Variants in VWA3A observed in about 807,000 individuals in gnomAD.
VWA3A encodes von Willebrand factor A domain containing 3A, also known as von Willebrand factor A domain-containing protein 3A.
VWA3A carries 134 observed loss-of-function variants against 160.4 expected under a neutral mutation model. The ratio of observed to expected loss-of-function variants is 0.84; its 90% CI spans 0.73 to 0.96. VWA3A has a LOEUF of 0.96. Among genes scored for constraint, VWA3A ranks in the 40% least tolerant of loss-of-function variants. The probability of loss-of-function intolerance (pLI) is 0.00; values close to 1 mark genes in which losing one functional copy is unlikely to be tolerated. For missense variants in VWA3A, 1,310 were observed against 1,447.9 expected (o/e 0.90, Z 1.55); for synonymous variants, 476 against 543.4 (o/e 0.88, Z 1.72).
At chr16:22,095,702 C>T (rs2045308809) in intron 1 of VWA3A, among the ~76,000 whole-genome samples, 1 of 151,904 alleles carries the variant, frequency 6.6e-6, no homozygotes, top group Non-Finnish European at 1.5e-5. Context: ...GGACTACAGG[C>T]ACATACCACC....
rs367640255 is a variant in VWA3A at position 22,140,286 on chromosome 16, G to A, written c.2383+42G>A. 145 of 1,587,068 alleles carry A rather than the reference G, an allele frequency of 9.1e-5. No homozygotes were observed. The East Asian group carries it at 1.7e-3, about 19-fold the overall frequency. ...GTCAGGCAGGGTGGAGGGATGTCACGGTCACGGCTGAGGCATGGGTTAATA... is the reference window on the plus strand; with the variant it reads ...GTCAGGCAGGGTGGAGGGATGTCACAGTCACGGCTGAGGCATGGGTTAATA... On this transcript the variant is annotated intron_variant, in intron 23 of 33. Coordinates refer to ENST00000389398, the MANE Select transcript of VWA3A (RefSeq NM_173615.5).
chr16:22,106,490 A>G (rs180794732), intron 6 of VWA3A, among the ~76,000 whole-genome samples: 21 of 152,240 alleles, frequency 1.4e-4, no homozygotes, highest in South Asian at 1.0e-3. Flanking sequence ...AGCCCTACCA[A>G]TATCTTGGGG....
chr16:22,096,887 G>A lies in VWA3A; in HGVS notation c.43G>A (p.Ala15Thr). The A allele has an allele frequency of 6.5e-7, 1 of 1,549,988 alleles. No homozygotes were observed. The highest frequency in any genetic ancestry group is 2.4e-5 in the East Asian group (1 of 40,894). The change falls in exon 2 of 34, where the codon GCT becomes ACT. Residue 15 changes from alanine to threonine, a missense_variant. Coordinates refer to ENST00000389398, the MANE Select transcript of VWA3A (RefSeq NM_173615.5). ...RKISIGCFAM[A>T]TQTSHVFHGQ... Reference sequence around the variant, plus strand: ...AATAAGCATTGGGTGTTTTGCAATGGCTACACAAACTAGTCATGTCTTCCA... The same window carrying A: ...AATAAGCATTGGGTGTTTTGCAATGACTACACAAACTAGTCATGTCTTCCA...
chr16:22,115,908 A>AGGAAGGAAGGAAGGAAGGAAGGAG, intron 9 of VWA3A, among the ~76,000 whole-genome samples: 1 of 33,926 alleles, frequency 2.9e-5, no homozygotes, highest in Admixed American at 3.2e-4. Context: ...GAAGGAAGGA[A>AGGAAGGAAGGAAGGAAGGAAGGAG]GGAAGGAAGG....
intron 23 of VWA3A, 87 bp downstream of exon 23, chr16:22,140,331 C>G: frequency 7.8e-7 from 1 of 1,282,090 alleles, no homozygotes; most frequent in Non-Finnish European, 1.1e-6. Flanking sequence ...ACTAGAGCCA[C>G]GTGTGGAAGC....
chr16:22,111,689 G>A (rs952968471), intron 8 of VWA3A, among the ~76,000 whole-genome samples: 1 of 151,410 alleles, frequency 6.6e-6, no homozygotes, highest in Non-Finnish European at 1.5e-5. Flanking sequence ...CACCATGTTG[G>A]CCAAGCTGGT....
chr16:22,144,180 C>T, intron 25 of VWA3A, 67 bp from the exon 26 acceptor site: 2 of 1,512,098 alleles, frequency 1.3e-6, no homozygotes, highest in Non-Finnish European at 8.9e-7. Flanking sequence ...TTCTCATAGA[C>T]CAGTCAGATG....
chr16:22,135,423 G>A (rs1184706649), intron 21 of VWA3A, among the ~76,000 whole-genome samples: 4 of 152,110 alleles, frequency 2.6e-5, no homozygotes, highest in Admixed American at 6.6e-5. Flanking sequence ...ATGCCTCACC[G>A]TAATTTGTAT....
At position 22,138,435 on chromosome 16, in the gene VWA3A, C is replaced by T. The variant is rs777355066; in HGVS notation, c.2215C>T (p.Pro739Ser). 1.2e-6 allele frequency: 2 copies of T among 1,613,462 alleles called. No individual in the cohort carries two copies. Among genetic ancestry groups the T allele is most frequent in the African/African-American group, 2.7e-5 (2 of 74,968 alleles). Residue 739 changes from proline to serine, a missense_variant, in exon 22 of 34, where the codon CCA becomes TCA. Transcript: ENST00000389398. ...AAGTTCAGCCCTCCCGAAAGAAAAA[C>T]CAAAGACACTTCAGCTAAGAAGTCA... ...LGSSALPKEKPKTLQLRSQPK... is the reference protein window; with the variant it reads ...LGSSALPKEKSKTLQLRSQPK...
chr16:22,146,119 G>C, intron 26 of VWA3A, 117 bp from the exon 27 acceptor site: 1 of 856,202 alleles, frequency 1.2e-6, no homozygotes, highest in Non-Finnish European at 1.8e-6. Context: ...ACCGTGCCCA[G>C]CCAACAAATA....
At chr16:22,132,837 C>A (rs1004252254) in intron 19 of VWA3A, 63 bp from the exon 20 acceptor site, 8 of 1,535,758 alleles carry the variant, frequency 5.2e-6, no homozygotes, top group Non-Finnish European at 7.1e-6. Context: ...GCTGGGCTGC[C>A]CAGAGCCCCA....
At chr16:22,148,527 T>G (rs1297333513) in intron 28 of VWA3A, among the ~76,000 whole-genome samples, 1 of 152,086 alleles carries the variant, frequency 6.6e-6, no homozygotes, top group African/African-American at 2.4e-5. Context: ...TCCCAGCAAT[T>G]TTGGGGGCCA....
chr16:22,142,477 A>G (rs1005859606), intron 24 of VWA3A, among the ~76,000 whole-genome samples, 191 bp from the exon 25 acceptor site: 3 of 151,998 alleles, frequency 2.0e-5, no homozygotes, highest in Non-Finnish European at 4.4e-5. Context: ...GCGGCAAGTA[A>G]TAGAGGGAGA....
intron 5 of VWA3A, among the ~76,000 whole-genome samples, chr16:22,102,737 A>T (rs906731588): frequency 1.3e-5 from 2 of 152,186 alleles, no homozygotes; most frequent in Admixed American, 6.5e-5. Context: ...GACTAGGAAC[A>T]ATTCCTTCTG....
chr16:22,135,359 C>T (rs2046020896), intron 21 of VWA3A, among the ~76,000 whole-genome samples: 1 of 152,172 alleles, frequency 6.6e-6, no homozygotes, highest in Non-Finnish European at 1.5e-5. Context: ...TGCATCCCTT[C>T]TCCTCTTACA....
intron 10 of VWA3A, 53 bp downstream of exon 10, chr16:22,116,920 G>T: frequency 1.3e-6 from 2 of 1,567,806 alleles, no homozygotes. Flanking sequence ...GTAGTGAGCT[G>T]GGCTGGCCTT....
At chr16:22,130,773 T>G (rs947969272) in intron 17 of VWA3A, among the ~76,000 whole-genome samples, 1 of 152,142 alleles carries the variant, frequency 6.6e-6, no homozygotes, top group African/African-American at 2.4e-5. Context: ...CCAGCTAATT[T>G]TTTTTATTTT....
At chr16:22,138,291 C>CTGTGTGTGTG in intron 21 of VWA3A, 69 bp from the exon 22 acceptor site, 3 of 1,357,368 alleles carry the variant, frequency 2.2e-6, no homozygotes, top group Admixed American at 4.3e-5. Flanking sequence ...GTCCCTCCTG[C>CTGTGTGTGTG]TGTGTGTGTG....
intron 2 of VWA3A, 74 bp downstream of exon 2, chr16:22,097,019 G>A (rs985821429): frequency 5.1e-6 from 5 of 981,020 alleles, no homozygotes; most frequent in African/African-American, 3.4e-5. Context: ...AGGCTGGAGT[G>A]CAGTGGCACA....
Sources: allele counts gnomAD v4.1 joint callset (sites outside exome capture counted in the v4.1 genomes callset), GRCh38; gene constraint gnomAD v4.1.1; transcripts MANE v1.5; gene names NCBI Gene and HGNC (gene_info 2026-07-23, HGNC 2026-07-21).